Variants in SLFN12L observed in about 807,000 individuals in gnomAD.
SLFN12L encodes schlafen family member 12-like.
In SLFN12L, 34 loss-of-function variants were observed where a neutral mutation model predicts 34.8. That is an observed-to-expected ratio of 0.98 (90% confidence interval 0.74 to 1.30). The LOEUF (loss-of-function observed/expected upper bound fraction) is 1.30, where lower values mean the gene tolerates loss of function less well. Ranked by LOEUF, SLFN12L falls within the 50% of genes most tolerant of loss-of-function variation. The probability of loss-of-function intolerance (pLI) is 0.00; values close to 1 mark genes in which losing one functional copy is unlikely to be tolerated. For missense variants in SLFN12L, 703 were observed against 696.2 expected, an observed-to-expected ratio of 1.01 and a Z score of -0.11; for synonymous variants, 259 against 247.5, an observed-to-expected ratio of 1.05 and a Z score of -0.44.
rs1426508958 is a variant in SLFN12L, at chr17:35,492,974, C to A, written c.87-12779G>T. Among the ~76,000 whole-genome samples the A allele has an allele frequency of 5.3e-5, 8 of 150,340 alleles. No homozygotes were observed. The South Asian group carries it at 1.0e-3, about 20-fold the overall frequency. ...TCCCTTAGGGGAAAAAAAAAACACA[C>A]ACACACACAAGCAAAAAACCACAAG... On this transcript the variant is annotated intron_variant, in intron 2 of 4. Transcript: ENST00000628453.
intron 2 of SLFN12L, among the ~76,000 whole-genome samples, chr17:35,481,629 G>T (rs909466091): frequency 2.0e-5 from 3 of 152,200 alleles, no homozygotes; most frequent in African/African-American, 7.2e-5. Flanking sequence ...CCGTTGTCTT[G>T]TATCCAATCA....
At chr17:35,525,581 C>T (rs2072325757) in intron 1 of SLFN12L, among the ~76,000 whole-genome samples, 1 of 152,202 alleles carries the variant, frequency 6.6e-6, no homozygotes, top group Admixed American at 6.5e-5. Flanking sequence ...AAAGAATCGT[C>T]AACCCAGAAT....
intron 2 of SLFN12L, chr17:35,490,377 C>G (rs1470592462): frequency 6.1e-6 from 8 of 1,321,824 alleles, no homozygotes; most frequent in Non-Finnish European, 7.7e-6. Context: ...TTGATCTGCT[C>G]ACCAAGAAGT....
chr17:35,478,346 T>C (rs995798227), intron 3 of SLFN12L, 161 bp from the exon 4 acceptor site: 1 of 495,612 alleles, frequency 2.0e-6, no homozygotes, highest in African/African-American at 2.1e-5. Flanking sequence ...GTTAGATTCC[T>C]AGGTCAGATA....
intron 2 of SLFN12L, among the ~76,000 whole-genome samples, chr17:35,494,024 T>C (rs1222900848): frequency 1.3e-5 from 2 of 152,108 alleles, no homozygotes; most frequent in East Asian, 3.8e-4. Flanking sequence ...ACAACTCGTG[T>C]GTATGAGAAG....
intron 1 of SLFN12L, among the ~76,000 whole-genome samples, chr17:35,532,663 AG>A (rs746189545): frequency 8.7e-4 from 132 of 152,140 alleles, no homozygotes; most frequent in Non-Finnish European, 1.6e-3. Context: ...AGGCCAAGGC[AG>A]GCATATCACT....
At chr17:35,532,723 C>A (rs1035272951) in intron 1 of SLFN12L, among the ~76,000 whole-genome samples, 1 of 151,898 alleles carries the variant, frequency 6.6e-6, no homozygotes, top group Non-Finnish European at 1.5e-5. Flanking sequence ...GAAATCCTCA[C>A]CCCTACTGAA....
chr17:35,527,445 A>C (rs1014260816), intron 1 of SLFN12L, among the ~76,000 whole-genome samples: 4 of 152,176 alleles, frequency 2.6e-5, no homozygotes, highest in Non-Finnish European at 5.9e-5. Context: ...CAATGCAAAA[A>C]ATCCTCAAAA....
At chr17:35,501,706 A>G (rs955217808) in intron 2 of SLFN12L, among the ~76,000 whole-genome samples, 14 of 152,218 alleles carry the variant, frequency 9.2e-5, no homozygotes, top group African/African-American at 2.9e-4. Context: ...ATGGAGTACT[A>G]TGACACCAGG....
At chr17:35,495,019 C>T (rs1463902348) in intron 2 of SLFN12L, among the ~76,000 whole-genome samples, 1 of 151,874 alleles carries the variant, frequency 6.6e-6, no homozygotes, top group African/African-American at 2.4e-5. Flanking sequence ...GATCCTGAGC[C>T]ACTGGAGTAG....
chr17:35,493,317 C>A (rs1278348495), intron 2 of SLFN12L, among the ~76,000 whole-genome samples: 3 of 152,112 alleles, frequency 2.0e-5, no homozygotes, highest in Admixed American at 2.0e-4. Flanking sequence ...TATGGGAAAC[C>A]ATTTATGCCA....
chr17:35,487,887 C>T, intron 2 of SLFN12L: 2 of 832,526 alleles, frequency 2.4e-6, no homozygotes, highest in Non-Finnish European at 4.0e-6. Flanking sequence ...GCGCTGTTAT[C>T]GACTCTGCGC....
chr17:35,498,834 T>C (rs1021756197), intron 2 of SLFN12L: 12 of 776,314 alleles, frequency 1.5e-5, no homozygotes, highest in African/African-American at 1.2e-4. Context: ...GACAACAGAC[T>C]AACAGCTGTA....
In SLFN12L at chr17:35,467,893, T is replaced by TTTTG. The variant is rs570154866; in HGVS notation, c.*7026_*7029dup. Among the ~76,000 whole-genome samples the TTTTG allele has an allele frequency of 4.9e-3, 743 of 152,202 alleles. 6 individuals carry two copies. Among genetic ancestry groups the TTTTG allele is most frequent in the African/African-American group, 0.017 (718 of 41,534 alleles). Reference sequence around the variant, plus strand: ...TTCTGTTTTCTGTTTATCTTTTTTGTTTTGTTTGTTTGTTTTTGCTTTTTG... The same window carrying TTTTG: ...TTCTGTTTTCTGTTTATCTTTTTTGTTTTGTTTGTTTGTTTGTTTTTGCTTTTTG... On this transcript the variant is annotated 3_prime_UTR_variant, in exon 5 of 5. Coordinates refer to ENST00000628453, the MANE Select transcript of SLFN12L (RefSeq NM_001363830.2).
At chr17:35,536,918 A>G (rs1192889744) in intron 1 of SLFN12L, among the ~76,000 whole-genome samples, 1 of 150,244 alleles carries the variant, frequency 6.7e-6, no homozygotes, top group Non-Finnish European at 1.5e-5. Flanking sequence ...GCTAATGTCT[A>G]TAATCCCAGC....
chr17:35,468,517 C>G lies in SLFN12L; in HGVS notation c.*6406G>C, dbSNP rs910821900. On this transcript the variant is annotated 3_prime_UTR_variant, in exon 5 of 5. Coordinates refer to ENST00000628453, the MANE Select transcript of SLFN12L (RefSeq NM_001363830.2). ...CAAAAACCTTCACCCCAGTGACACC[C>G]ATGGACTGCCTCTTCTCAGGCACAA... Among the ~76,000 whole-genome samples, 4 of 152,184 alleles carry G rather than the reference C, an allele frequency of 2.6e-5. No homozygotes were observed. The highest frequency in any genetic ancestry group is 9.7e-5 in the African/African-American group (4 of 41,446).
At position 35,472,316 on chromosome 17, in the gene SLFN12L, G is replaced by C. The variant is rs9904188; in HGVS notation, c.*2607C>G. On this transcript the variant is annotated 3_prime_UTR_variant, in exon 5 of 5. Transcript: ENST00000628453. ...TCTTGGGTTAATTTTTGTATAAGGTGTAAGGAAGGGATCCAGTTTCAGTTT... is the reference window on the plus strand; with the variant it reads ...TCTTGGGTTAATTTTTGTATAAGGTCTAAGGAAGGGATCCAGTTTCAGTTT... 0.014 allele frequency among the ~76,000 whole-genome samples: 2,207 copies of C among 152,246 alleles called. 53 individuals carry two copies. Among genetic ancestry groups the C allele is most frequent in the African/African-American group, 0.049 (2,030 of 41,540 alleles).
intron 2 of SLFN12L, among the ~76,000 whole-genome samples, chr17:35,496,966 G>T (rs1035449035): frequency 6.6e-6 from 1 of 152,146 alleles, no homozygotes; most frequent in Non-Finnish European, 1.5e-5. Context: ...GTTTTCCCAG[G>T]GCATCAAAAG....
chr17:35,487,477 C>T (rs112130234), intron 2 of SLFN12L, among the ~76,000 whole-genome samples: 2,229 of 152,282 alleles, frequency 0.015, 67 homozygotes, highest in African/African-American at 0.05. Flanking sequence ...GACCACCCCC[C>T]CCGGACCCCC....
Sources: gnomAD v4.1 joint callset for allele counts (sites outside exome capture counted in the v4.1 genomes callset) on GRCh38, gnomAD v4.1.1 for gene constraint, MANE v1.5 for transcripts, NCBI Gene and HGNC (gene_info 2026-07-23, HGNC 2026-07-21) for gene names.